Variants in ATR observed in about 807,000 individuals in gnomAD.
The protein encoded by ATR is serine/threonine-protein kinase ATR.
Under a neutral mutation model 305.3 loss-of-function variants are expected in ATR, and 142 were observed. The observed-to-expected ratio is 0.47, with a 90% CI of 0.41 to 0.53. The LOEUF (loss-of-function observed/expected upper bound fraction) is 0.53, where lower values mean the gene tolerates loss of function less well. Among genes scored for constraint, ATR ranks in the 20% least tolerant of loss-of-function variants. The pLI, the probability that ATR is intolerant of heterozygous loss-of-function variation, is 0.00. For missense variants in ATR, 2,135 were observed against 3,133.1 expected, an observed-to-expected ratio of 0.68 and a Z score of 7.60; for synonymous variants, 1,050 against 1,068.1, an observed-to-expected ratio of 0.98 and a Z score of 0.33.
In ATR at chr3:142,556,008, T is replaced by C; in HGVS notation, c.2210A>G (p.His737Arg). 1 of 1,614,130 alleles carries C rather than the reference T, an allele frequency of 6.2e-7. No homozygotes were observed. Among genetic ancestry groups the C allele is most frequent in the Non-Finnish European group, 8.5e-7 (1 of 1,180,002 alleles). Reference protein sequence around the residue: ...SLTEPFSEHGHVDLFCRNLKA... With the variant: ...SLTEPFSEHGRVDLFCRNLKA... ...CAAGTTCCTACAGAAGAGGTCCACATGTCCGTGTTCAGAGAAAGGTTCTGT... is the reference window on the plus strand; with the variant it reads ...CAAGTTCCTACAGAAGAGGTCCACACGTCCGTGTTCAGAGAAAGGTTCTGT... The change falls in exon 10 of 47, where the codon CAT becomes CGT. Residue 737 changes from histidine to arginine, a missense_variant. Physicochemically the swap from His to Arg is conservative, Grantham distance 29. Around this residue, in one of 9 missense-constraint regions of ATR, gnomAD observed 744 missense variants for 873.2 expected, o/e 0.85. Transcript: ENST00000350721.
At chr3:142,502,592 G>A (rs2032029702) in intron 30 of ATR, among the ~76,000 whole-genome samples, 1 of 151,856 alleles carries the variant, frequency 6.6e-6, no homozygotes, top group South Asian at 2.1e-4. Context: ...TCACTAACTT[G>A]CACATGTACC....
intron 36 of ATR, among the ~76,000 whole-genome samples, chr3:142,471,176 A>G (rs547872181): frequency 6.6e-6 from 1 of 152,142 alleles, no homozygotes; most frequent in Non-Finnish European, 1.5e-5. Context: ...CATTGAAGGT[A>G]CCTCATATAA....
intron 32 of ATR, among the ~76,000 whole-genome samples, chr3:142,497,970 C>T (rs1396059646): frequency 1.3e-5 from 2 of 152,074 alleles, no homozygotes; most frequent in Non-Finnish European, 2.9e-5. Flanking sequence ...TGAGTAGCTA[C>T]AGAACAGAAT....
intron 1 of ATR, among the ~76,000 whole-genome samples, chr3:142,575,196 C>T (rs886890571): frequency 6.6e-6 from 1 of 152,156 alleles, no homozygotes; most frequent in Admixed American, 6.5e-5. Context: ...TCCCTGTGCT[C>T]CAGCCTTCTT....
rs1251645557 is a variant in ATR, at chr3:142,515,483, G to A, written c.4415C>T (p.Ser1472Phe). Residue 1472 changes from serine (S) to phenylalanine (F), a missense_variant, in exon 25 of 47, where the codon TCT (serine) becomes TTT (phenylalanine). By Grantham distance (155) the Ser-to-Phe change is radical (BLOSUM62 -2). Coordinates refer to ENST00000350721, the MANE Select transcript of ATR (RefSeq NM_001184.4). Reference sequence around the variant, plus strand: ...TAAGTAAATTGGCTTCTTTACTCCAGACCAATCGGTTGACTTCTGAGAACT... The same window carrying A: ...TAAGTAAATTGGCTTCTTTACTCCAAACCAATCGGTTGACTTCTGAGAACT... ...YKSSQKSTDW[S>F]GVKKPIYLSK... is the part of the protein sequence containing the mutation. 1 of 1,612,214 alleles carries A rather than the reference G, an allele frequency of 6.2e-7. No individual in the cohort carries two copies. The highest frequency in any genetic ancestry group is 1.3e-5 in the African/African-American group (1 of 74,930).
chr3:142,496,024 C>A (rs1391691305), intron 34 of ATR, among the ~76,000 whole-genome samples: 1 of 151,468 alleles, frequency 6.6e-6, no homozygotes, highest in Non-Finnish European at 1.5e-5. Context: ...ACTATATACA[C>A]CCTGTATACA....
At chr3:142,572,302 C>T (rs1222505894) in intron 1 of ATR, among the ~76,000 whole-genome samples, 3 of 150,462 alleles carry the variant, frequency 2.0e-5, no homozygotes, top group Non-Finnish European at 3.0e-5. Flanking sequence ...ATTTACTGAC[C>T]TCATGATCCA....
chr3:142,501,456 C>G (rs746159277), intron 30 of ATR, among the ~76,000 whole-genome samples: 2 of 152,134 alleles, frequency 1.3e-5, no homozygotes, highest in Non-Finnish European at 2.9e-5. Flanking sequence ...CTTCTCTGCC[C>G]TTAGACATTG....
At chr3:142,526,475 T>A (rs1223236761) in intron 21 of ATR, among the ~76,000 whole-genome samples, 1 of 151,978 alleles carries the variant, frequency 6.6e-6, no homozygotes, top group Non-Finnish European at 1.5e-5. Context: ...TCAGTGGGAA[T>A]GTTTCTTGTT....
In ATR at chr3:142,482,916, C is replaced by CT. The variant is rs1288290519; in HGVS notation, c.6221+2223dup. 1.4e-4 allele frequency among the ~76,000 whole-genome samples: 21 copies of CT among 148,654 alleles called. No individual in the cohort carries two copies. The South Asian group carries it at 2.6e-3, about 18-fold the overall frequency. On this transcript the variant is annotated intron_variant, in intron 36 of 46. Transcript: ENST00000350721. ...TACCATTGATGATGAACAAATATTG[C>CT]TTTTTTTTTCCATTTTTTTTCTCGT...
chr3:142,546,216 G>A (rs1380443290), intron 16 of ATR, among the ~76,000 whole-genome samples: 1 of 152,142 alleles, frequency 6.6e-6, no homozygotes, highest in Non-Finnish European at 1.5e-5. Flanking sequence ...CAGTGGCTAT[G>A]TTCCTCTACA....
intron 17 of ATR, among the ~76,000 whole-genome samples, chr3:142,542,443 T>C (rs1483890519): frequency 6.6e-6 from 1 of 152,214 alleles, no homozygotes; most frequent in Non-Finnish European, 1.5e-5. Flanking sequence ...CACAAGTTCC[T>C]TTTAGTCACT....
chr3:142,558,557 AATAGATAGATAG>A (rs780538224), intron 8 of ATR, 55 bp downstream of exon 8: 19 of 620,140 alleles, frequency 3.1e-5, no homozygotes, highest in East Asian at 4.2e-5. Flanking sequence ...TAAATAAATA[AATAGATAGATAG>A]ATAGATAGAT....
At chr3:142,558,211 T>C (rs938291449) in intron 8 of ATR, among the ~76,000 whole-genome samples, 1 of 152,022 alleles carries the variant, frequency 6.6e-6, no homozygotes, top group African/African-American at 2.4e-5. Flanking sequence ...AGAAGTCCTA[T>C]ATAGAGATGA....
intron 35 of ATR, among the ~76,000 whole-genome samples, chr3:142,492,579 C>G (rs995601838): frequency 6.6e-6 from 1 of 152,090 alleles, no homozygotes; most frequent in African/African-American, 2.4e-5. Context: ...AGTTCCTTTT[C>G]TAACTCTTTG....
Position 142,524,167 on chromosome 3 carries a change from T to C in ATR, c.3978A>G (p.Glu1326=), listed in dbSNP as rs2033273533. Residue 1326 remains glutamate (E), a synonymous_variant, in exon 22 of 47, where the codon GAA becomes GAG. Transcript: ENST00000350721. ...EKLIKYATDS[E]TVEPIISQLV... ...ACTGTGAGATAATAGGTTCTACTGT[T>C]TCACTGTCTGTTGCATACTTTATCA... The C allele has an allele frequency of 6.2e-7, 1 of 1,613,868 alleles. No homozygotes were observed. The highest frequency in any genetic ancestry group is 8.5e-7 in the Non-Finnish European group (1 of 1,179,878).
intron 1 of ATR, 121 bp from the exon 2 acceptor site, chr3:142,568,275 C>T (rs2035139699): frequency 2.7e-6 from 2 of 737,146 alleles, no homozygotes; most frequent in African/African-American, 3.6e-5. Context: ...TCACAGTATT[C>T]TTCTGTTTAA....
chr3:142,571,272 C>T (rs892287776), intron 1 of ATR, among the ~76,000 whole-genome samples: 1 of 152,080 alleles, frequency 6.6e-6, no homozygotes, highest in Non-Finnish European at 1.5e-5. Context: ...TCTAAACCAT[C>T]CCGGCTAACA....
At chr3:142,466,268 T>C in intron 40 of ATR, 56 bp downstream of exon 40, 3 of 1,515,566 alleles carry the variant, frequency 2.0e-6, no homozygotes, top group Non-Finnish European at 2.7e-6. Context: ...TTATCTTAAT[T>C]TGAAGTTTTT....
Sources: allele counts gnomAD v4.1 joint callset (sites outside exome capture counted in the v4.1 genomes callset), GRCh38; gene constraint gnomAD v4.1.1; regional missense constraint gnomAD v4.1.1; transcripts MANE v1.5; gene names NCBI Gene and HGNC (gene_info 2026-07-23, HGNC 2026-07-21).